The following GABRA4 variants were observed in gnomAD, a reference collection of about 807,000 sequenced individuals.
GABRA4 encodes the protein gamma-aminobutyric acid receptor subunit alpha-4.
Under a neutral mutation model 49.7 loss-of-function variants are expected in GABRA4, and 12 were observed. That is an observed-to-expected ratio of 0.24 (90% confidence interval 0.15 to 0.39). The LOEUF is 0.39. GABRA4 is among the 10% of genes least tolerant of loss of function. GABRA4 has a pLI of 1.00. For missense variants in GABRA4, 506 were observed against 686.0 expected (o/e 0.74, Z 2.93); for synonymous variants, 288 against 240.2 (o/e 1.20, Z -1.84).
intron 8 of GABRA4, among the ~76,000 whole-genome samples, chr4:46,931,902 C>T (rs550154690): frequency 2.0e-5 from 3 of 152,220 alleles, no homozygotes; most frequent in Non-Finnish European, 2.9e-5. Flanking sequence ...ATGAGCTGCC[C>T]GAGCAAGCGT....
Position 46,926,394 on chromosome 4 carries a change from T to C in GABRA4, c.*1831A>G. 6.6e-6 allele frequency: 1 copy of C among 151,888 alleles called. No homozygotes were observed. Among genetic ancestry groups the C allele is most frequent in the East Asian group, 1.9e-4 (1 of 5,186 alleles). The allele number at this position is 151,888 out of a possible 1,614,324, so 9.4% of individuals were successfully genotyped here. ...GGACTGGGTGATTTCGACAGTATCT[T>C]TCAGCCTTAAAATGTGTTGATTCTA... is the stretch of plus-strand genomic sequence containing the variant. On this transcript the variant is annotated 3_prime_UTR_variant, in exon 9 of 9. Transcript: ENST00000264318.
At chr4:46,949,291 A>G (rs1420099740) in intron 8 of GABRA4, among the ~76,000 whole-genome samples, 1 of 152,146 alleles carries the variant, frequency 6.6e-6, no homozygotes, top group East Asian at 1.9e-4. Context: ...TAGTATGTCT[A>G]TTACAGTCAC....
chr4:46,972,369 CTT>C lies in GABRA4; in HGVS notation c.722-1136_722-1135del, dbSNP rs139286588. On this transcript the variant is annotated intron_variant, in intron 6 of 8. Coordinates refer to ENST00000264318, the MANE Select transcript of GABRA4 (RefSeq NM_000809.4). ...CTAAATTCCTTTTTAAAAACAAAGA[CTT>C]ATGTATTAATTTTATTTATCCATAA... Among the ~76,000 whole-genome samples the C allele has an allele frequency of 3.1e-3, 468 of 151,542 alleles. 2 individuals are homozygous for C. Among genetic ancestry groups the C allele is most frequent in the African/African-American group, 0.011 (444 of 41,424 alleles).
chr4:46,928,620 T>G lies in GABRA4; in HGVS notation c.1270A>C (p.Thr424Pro), dbSNP rs773637245. The change falls in exon 9 of 9, where the codon ACA (threonine) becomes CCA (proline). Residue 424 changes from threonine (T) to proline (P), a missense_variant. By Grantham distance (38) the Thr-to-Pro change is conservative. Coordinates refer to ENST00000264318, the MANE Select transcript of GABRA4 (RefSeq NM_000809.4). ...STVVQESSKG[T>P]PRSYLASSPN... is the part of the protein sequence containing the mutation. ...CTGGAAGCTAAGTAAGACCGAGGTGTGCCTTTAGAAGATTCTTGAACAACT... is the reference window on the plus strand; with the variant it reads ...CTGGAAGCTAAGTAAGACCGAGGTGGGCCTTTAGAAGATTCTTGAACAACT... 40 of 1,613,582 alleles carry G rather than the reference T, an allele frequency of 2.5e-5. No individual in the cohort carries two copies. The highest frequency in any genetic ancestry group is 3.1e-5 in the Non-Finnish European group (36 of 1,179,766).
intron 8 of GABRA4, among the ~76,000 whole-genome samples, chr4:46,940,971 C>G (rs1721768914): frequency 6.6e-6 from 1 of 152,066 alleles, no homozygotes; most frequent in Non-Finnish European, 1.5e-5. Flanking sequence ...AGGTATTAGA[C>G]TATTTTGCAT....
Position 46,988,314 on chromosome 4 carries a change from C to T in GABRA4, c.205+4514G>A, listed in dbSNP as rs552393525. ...CTTAGCTATAAAGTCTGTGAGGGCT[C>T]GTATCAGATCAGAATGATATCTTCA... is the stretch of plus-strand genomic sequence containing the variant. On this transcript the variant is annotated intron_variant, in intron 2 of 8. Coordinates refer to ENST00000264318, the MANE Select transcript of GABRA4 (RefSeq NM_000809.4). 5.3e-5 allele frequency among the ~76,000 whole-genome samples: 8 copies of T among 152,158 alleles called. No homozygotes were observed. The East Asian group carries it at 1.2e-3, about 22-fold the overall frequency.
chr4:46,950,792 A>C (rs889164842), intron 8 of GABRA4, among the ~76,000 whole-genome samples: 7 of 151,380 alleles, frequency 4.6e-5, no homozygotes, highest in Non-Finnish European at 8.9e-5. Context: ...CAGGGAAGCA[A>C]GAAGCTTCAA....
chr4:46,936,532 G>T (rs996695687), intron 8 of GABRA4, among the ~76,000 whole-genome samples: 5 of 152,166 alleles, frequency 3.3e-5, no homozygotes, highest in African/African-American at 1.2e-4. Flanking sequence ...TTACAGGCAT[G>T]AGCCACAGCA....
At chr4:46,983,723 T>C (rs1723436913) in intron 2 of GABRA4, among the ~76,000 whole-genome samples, 1 of 152,092 alleles carries the variant, frequency 6.6e-6, no homozygotes. Flanking sequence ...GTTTAGGATG[T>C]TCAAATCAAA....
chr4:46,959,282 C>A (rs903435811), intron 8 of GABRA4, among the ~76,000 whole-genome samples: 4 of 151,846 alleles, frequency 2.6e-5, no homozygotes, highest in African/African-American at 9.7e-5. Context: ...GTGGGCCAAC[C>A]CATTAATCAC....
intron 7 of GABRA4, among the ~76,000 whole-genome samples, chr4:46,965,928 C>A (rs763900632): frequency 2.0e-5 from 3 of 150,704 alleles, no homozygotes; most frequent in Non-Finnish European, 4.5e-5. Flanking sequence ...GGACCTTTAC[C>A]ACCCATCAGT....
chr4:46,938,068 A>G (rs1383155418), intron 8 of GABRA4, among the ~76,000 whole-genome samples: 1 of 152,170 alleles, frequency 6.6e-6, no homozygotes, highest in Non-Finnish European at 1.5e-5. Flanking sequence ...TTCACACTTT[A>G]TATTAAGAAT....
At chr4:46,958,428 A>T (rs937943978) in intron 8 of GABRA4, among the ~76,000 whole-genome samples, 17 of 152,098 alleles carry the variant, frequency 1.1e-4, no homozygotes, top group African/African-American at 1.4e-4. Context: ...AGTGATTTTT[A>T]AAAATATCAT....
chr4:46,967,307 C>A (rs796288958), intron 7 of GABRA4, among the ~76,000 whole-genome samples: 3 of 151,198 alleles, frequency 2.0e-5, no homozygotes, highest in African/African-American at 7.3e-5. Context: ...AAAAAGGATA[C>A]CCAAATTCAA....
rs979883101 is a variant in GABRA4, at chr4:46,935,742, C to T, written c.1135-6987G>A. Among the ~76,000 whole-genome samples the T allele has an allele frequency of 5.3e-5, 8 of 152,142 alleles. No homozygotes were observed. The East Asian group carries it at 5.8e-4, about 11-fold the overall frequency. On this transcript the variant is annotated intron_variant, in intron 8 of 8. Transcript: ENST00000264318. ...AGATGACGGGTTGATGGGTGCAGCA[C>T]GCCACCATGGCACGTGTATACCTAT... is the stretch of plus-strand genomic sequence containing the variant.
In GABRA4 at chr4:46,992,850, G is replaced by A. The variant is rs370141286; in HGVS notation, c.183C>T (p.Asn61=). Residue 61 remains asparagine, a synonymous_variant, in exon 2 of 9, where the codon AAC becomes AAT. Transcript: ENST00000264318. ...TACCCCCAAATCCAGGACGCAGCCT[G>A]TTGTCATAACCATCGAGCAAACTGT... ...ILDSLLDGYD[N]RLRPGFGGPV... 8 of 1,613,600 alleles carry A rather than the reference G, an allele frequency of 5.0e-6. No individual in the cohort carries two copies. The highest frequency in any genetic ancestry group is 6.8e-6 in the Non-Finnish European group (8 of 1,179,806).
At chr4:46,937,202 C>G (rs561680030) in intron 8 of GABRA4, among the ~76,000 whole-genome samples, 1 of 152,270 alleles carries the variant, frequency 6.6e-6, no homozygotes, top group South Asian at 2.1e-4. Flanking sequence ...TGTGCGGACG[C>G]AGTAAGAAAA....
At chr4:46,956,100 C>G (rs761122896) in intron 8 of GABRA4, among the ~76,000 whole-genome samples, 6 of 152,190 alleles carry the variant, frequency 3.9e-5, no homozygotes, top group Non-Finnish European at 7.4e-5. Context: ...TTAAAACATA[C>G]AATTTAGTAA....
intron 8 of GABRA4, among the ~76,000 whole-genome samples, chr4:46,963,195 A>C (rs185801527): frequency 6.6e-6 from 1 of 151,968 alleles, no homozygotes; most frequent in East Asian, 1.9e-4. Context: ...CAAACTATTC[A>C]TCTGACAAAG....
Sources: allele counts gnomAD v4.1 joint callset (sites outside exome capture counted in the v4.1 genomes callset), GRCh38; gene constraint gnomAD v4.1.1; transcripts MANE v1.5; gene names NCBI Gene and HGNC (gene_info 2026-07-23, HGNC 2026-07-21).